Variants in THOC5 observed in about 807,000 individuals in gnomAD.
The protein encoded by THOC5 is Fms-interacting protein.
In THOC5, 43 loss-of-function variants were observed where a neutral mutation model predicts 92.9. The observed-to-expected ratio is 0.46, with a 90% CI of 0.36 to 0.60. The LOEUF (loss-of-function observed/expected upper bound fraction) is 0.60. THOC5 is among the 20% of genes least tolerant of loss of function. The probability of loss-of-function intolerance (pLI) is 0.00; values close to 1 mark genes in which losing one functional copy is unlikely to be tolerated. For missense variants in THOC5, 659 were observed against 849.4 expected (o/e 0.78, Z 2.79); for synonymous variants, 296 against 320.1 (o/e 0.92, Z 0.80).
rs777240133 is a variant in THOC5 at position 29,544,535 on chromosome 22, G to A, written c.165C>T (p.Tyr55=). 3.1e-6 allele frequency: 5 copies of A among 1,613,916 alleles called. No individual in the cohort carries two copies. Among genetic ancestry groups the A allele is most frequent in the African/African-American group, 2.7e-5 (2 of 74,902 alleles). Residue 55 remains tyrosine (Y), a synonymous_variant, in exon 3 of 20, where the codon TAC becomes TAT. Transcript: ENST00000490103. The stretch of plus-strand genomic sequence containing the variant: ...TCTGTAGCTCCTGGCAGGTGTACTT[G>A]TATAACTCATAGTCTCTGCCAGGGT... ...LRDPGRDYEL[Y]KYTCQELQRL... is the part of the protein sequence containing the mutation.
chr22:29,523,605 T>G (rs1601406275), intron 12 of THOC5, among the ~76,000 whole-genome samples: 1 of 152,310 alleles, frequency 6.6e-6, no homozygotes, highest in East Asian at 1.9e-4. Flanking sequence ...ACGACCCATT[T>G]TCTCCAACAA....
At chr22:29,528,200 CT>C (rs1430024183) in intron 10 of THOC5, 23 bp from the exon 11 acceptor site, 2 of 1,614,156 alleles carry the variant, frequency 1.2e-6, no homozygotes, top group East Asian at 4.5e-5. Context: ...AAGTGCCAAG[CT>C]GATGAGCATC....
At chr22:29,546,756 C>T (rs1295275480) in intron 2 of THOC5, among the ~76,000 whole-genome samples, 1 of 151,452 alleles carries the variant, frequency 6.6e-6, no homozygotes, top group Non-Finnish European at 1.5e-5. Flanking sequence ...TTCTTTTCTA[C>T]TGTGTCATCA....
At chr22:29,526,336 T>G (rs1037937848) in intron 11 of THOC5, among the ~76,000 whole-genome samples, 1 of 151,886 alleles carries the variant, frequency 6.6e-6, no homozygotes, top group East Asian at 1.9e-4. Flanking sequence ...ATCGAGACCA[T>G]CCTGGCTAAC....
In THOC5 at chr22:29,528,420, T is replaced by C; in HGVS notation, c.966+6A>G. 6.2e-7 allele frequency: 1 copy of C among 1,613,908 alleles called. No homozygotes were observed. The highest frequency in any genetic ancestry group is 2.2e-5 in the East Asian group (1 of 44,880). On this transcript the variant is annotated splice_donor_region_variant and intron_variant, in intron 10 of 19. Coordinates refer to ENST00000490103, the MANE Select transcript of THOC5 (RefSeq NM_003678.5). ...TGATGCCCCCACAAGAGGAAATGGT[T>C]CTCACCGTAGTCTGCTCCTCCTCGG...
chr22:29,547,909 G>C (rs1041474074), intron 2 of THOC5, among the ~76,000 whole-genome samples: 8 of 152,204 alleles, frequency 5.3e-5, no homozygotes, highest in Non-Finnish European at 1.0e-4. Context: ...AACAAAAAGA[G>C]GTTTAATTGG....
At chr22:29,542,777 A>G in intron 5 of THOC5, 82 bp downstream of exon 5, 1 of 930,344 alleles carries the variant, frequency 1.1e-6, no homozygotes, top group Non-Finnish European at 1.6e-6. Context: ...AAAAAAAAAG[A>G]AACAGACTTA....
intron 1 of THOC5, among the ~76,000 whole-genome samples, chr22:29,551,161 C>T (rs976805949): frequency 6.6e-6 from 1 of 152,164 alleles, no homozygotes; most frequent in African/African-American, 2.4e-5. Flanking sequence ...TGGCTGGGCG[C>T]AGTGGCTCAG....
intron 18 of THOC5, 22 bp from the exon 19 acceptor site, chr22:29,511,318 A>G: frequency 6.2e-7 from 1 of 1,601,726 alleles, no homozygotes; most frequent in South Asian, 1.1e-5. Context: ...GAAAGCCAGC[A>G]TCTCAGCACT....
chr22:29,509,576 G>A (rs2063185106), intron 19 of THOC5, among the ~76,000 whole-genome samples: 1 of 152,244 alleles, frequency 6.6e-6, no homozygotes, highest in Admixed American at 6.5e-5. Flanking sequence ...AAAGGATGCT[G>A]GGACTGCTTC....
chr22:29,547,222 T>C (rs151070225), intron 2 of THOC5, among the ~76,000 whole-genome samples: 3,312 of 152,248 alleles, frequency 0.022, 134 homozygotes, highest in African/African-American at 0.075. Flanking sequence ...AGTTCAAAGT[T>C]CCACAAATCT....
In THOC5 at chr22:29,521,134, A is replaced by G. The variant is rs1033112616; in HGVS notation, c.1176-35T>C. On this transcript the variant is annotated intron_variant, in intron 12 of 19. Coordinates refer to ENST00000490103, the MANE Select transcript of THOC5 (RefSeq NM_003678.5). ...GAAAAACAGTAAGCAGTGAGAATGC[A>G]GCCAACATCTTTCTTCAACATAGGC... 8 of 1,488,666 alleles carry G rather than the reference A, an allele frequency of 5.4e-6. No individual in the cohort carries two copies. The African/African-American group carries it at 9.7e-5, about 18-fold the overall frequency. The allele number at this position is 1,488,666 out of a possible 1,614,324, so 92.2% of individuals were successfully genotyped here.
intron 17 of THOC5, among the ~76,000 whole-genome samples, chr22:29,514,217 G>A (rs1436845718): frequency 6.6e-6 from 1 of 152,096 alleles, no homozygotes; most frequent in Non-Finnish European, 1.5e-5. Context: ...AAAGTGCTGG[G>A]ATTACAGGCG....
At chr22:29,519,168 C>T (rs1419680960) in intron 14 of THOC5, 48 bp from the exon 15 acceptor site, 1 of 1,299,472 alleles carries the variant, frequency 7.7e-7, no homozygotes. Flanking sequence ...CCATCCCTTC[C>T]TCCGGGCACC....
At position 29,514,687 on chromosome 22, in the gene THOC5, C is replaced by T. The variant is rs181118890; in HGVS notation, c.1681+2342G>A. ...AATTTTGCTTTTCAATTTCACAATG[C>T]ACTCAAATGAAAAAATATATATATA... On this transcript the variant is annotated intron_variant, in intron 17 of 19. Coordinates refer to ENST00000490103, the MANE Select transcript of THOC5 (RefSeq NM_003678.5). Among the ~76,000 whole-genome samples, 275 of 151,008 alleles carry T rather than the reference C, an allele frequency of 1.8e-3. 1 individual carries two copies. The highest frequency in any genetic ancestry group is 6.2e-3 in the African/African-American group (254 of 41,154).
chr22:29,552,441 C>A (rs1386233120), intron 1 of THOC5, among the ~76,000 whole-genome samples: 1 of 151,998 alleles, frequency 6.6e-6, no homozygotes, highest in African/African-American at 2.4e-5. Context: ...GCTGCGACCC[C>A]GTCTGGGAGG....
At chr22:29,521,428 A>G (rs980093913) in intron 12 of THOC5, among the ~76,000 whole-genome samples, 1 of 152,200 alleles carries the variant, frequency 6.6e-6, no homozygotes, top group Non-Finnish European at 1.5e-5. Flanking sequence ...TTAATTTTTA[A>G]AAAACTCATC....
At chr22:29,511,703 A>G (rs2063226635) in intron 18 of THOC5, among the ~76,000 whole-genome samples, 1 of 152,228 alleles carries the variant, frequency 6.6e-6, no homozygotes, top group South Asian at 2.1e-4. Context: ...GTCATTCCTC[A>G]TGTCATTCCA....
Position 29,536,679 on chromosome 22 carries a change from T to G in THOC5, c.659A>C (p.Glu220Ala). The change falls in exon 7 of 20, where the codon GAG (glutamate) becomes GCG (alanine). Residue 220 changes from glutamate (E) to alanine (A), a missense_variant. Glu to Ala is a moderately radical substitution (Grantham distance 107). Transcript: ENST00000490103. ...SNKEKILKEI[E>A]VKKEYLSSLQ... ...GCTGCTCAGGTACTCCTTCTTCACC[T>G]CAATCTCCTTGAGAATCTTCTCCTT... 6.2e-7 allele frequency: 1 copy of G among 1,613,848 alleles called. No homozygotes were observed. Among genetic ancestry groups the G allele is most frequent in the Non-Finnish European group, 8.5e-7 (1 of 1,179,764 alleles).
Sources: gnomAD v4.1 joint callset for allele counts (sites outside exome capture counted in the v4.1 genomes callset) on GRCh38, gnomAD v4.1.1 for gene constraint, MANE v1.5 for transcripts, NCBI Gene and HGNC (gene_info 2026-07-23, HGNC 2026-07-21) for gene names.